The following ABR variants were observed in gnomAD, a reference collection of about 807,000 sequenced individuals.
ABR encodes the protein ABR activator of RhoGEF and GTPase.
ABR carries 35 observed loss-of-function variants against 107.2 expected under a neutral mutation model. That is an observed-to-expected ratio of 0.33 (90% CI 0.25 to 0.43). ABR has a LOEUF of 0.43. Ranked by LOEUF, ABR falls within the 20% of genes least tolerant of loss-of-function variation. The pLI is 1.00. For synonymous variants in ABR, 498 were observed against 462.0 expected, an observed-to-expected ratio of 1.08 and a Z score of -1.00; for missense variants, 815 against 1,115.2, an observed-to-expected ratio of 0.73 and a Z score of 3.83.
Position 1,074,307 on chromosome 17 carries a change from T to C in ABR, c.701-630A>G, listed in dbSNP as rs564673961. ...AGAATCACACAGCTCCACCCAGCCA[T>C]GCCCTGCAGAGTCTAGCACACCTGC... is the stretch of plus-strand genomic sequence containing the variant. On this transcript the variant is annotated intron_variant, in intron 6 of 22. Coordinates refer to ENST00000302538, the MANE Select transcript of ABR (RefSeq NM_021962.5). 5.9e-3 allele frequency among the ~76,000 whole-genome samples: 808 copies of C among 138,104 alleles called. 3 individuals are homozygous for C. Among genetic ancestry groups the C allele is most frequent in the South Asian group, 0.015 (65 of 4,282 alleles). The allele number at this position is 138,104 out of a possible 152,430, so 90.6% of individuals were successfully genotyped here.
intron 2 of ABR, among the ~76,000 whole-genome samples, chr17:1,115,916 G>A (rs2038964409): frequency 6.8e-6 from 1 of 148,040 alleles, no homozygotes. Flanking sequence ...GACAGAAGGA[G>A]ACTCTGTCTC....
intron 1 of ABR, among the ~76,000 whole-genome samples, chr17:1,137,151 C>T (rs570907377): frequency 6.6e-6 from 1 of 152,230 alleles, no homozygotes; most frequent in East Asian, 1.9e-4. Context: ...TCAAGTGAGT[C>T]TCCCACCTCA....
At chr17:1,108,087 C>G (rs974659608) in intron 2 of ABR, among the ~76,000 whole-genome samples, 1 of 152,264 alleles carries the variant, frequency 6.6e-6, no homozygotes, top group Non-Finnish European at 1.5e-5. Flanking sequence ...GCCTAGCAGT[C>G]TGCAAACTCC....
intron 1 of ABR, among the ~76,000 whole-genome samples, chr17:1,207,657 A>AG (rs2042816460): frequency 6.6e-6 from 1 of 151,604 alleles, no homozygotes; most frequent in South Asian, 2.1e-4. Flanking sequence ...CTCAAAAAAA[A>AG]AAAAAAAAAG....
At position 1,210,594 on chromosome 17, in the gene ABR, C is replaced by T. The variant is rs2042884033; in HGVS notation, c.838+18199G>A. ...GTGTCACTCAGCTTCTCTGCACTATCGTCCAGGTGTCACTCAGCTTTCTGC... is the reference window on the plus strand; with the variant it reads ...GTGTCACTCAGCTTCTCTGCACTATTGTCCAGGTGTCACTCAGCTTTCTGC... On this transcript the variant is annotated intron_variant, in intron 1 of 22. Transcript: ENST00000574139. This position sits in a 1 kb window ranked among gnomAD's most constrained non-coding sequence, Gnocchi z 5.6. 1.3e-5 allele frequency among the ~76,000 whole-genome samples: 2 copies of T among 152,312 alleles called. No homozygotes were observed. Among genetic ancestry groups the T allele is most frequent in the South Asian group, 2.1e-4 (1 of 4,824 alleles).
intron 1 of ABR, among the ~76,000 whole-genome samples, chr17:1,139,955 G>A (rs937086241): frequency 1.3e-5 from 2 of 152,162 alleles, no homozygotes; most frequent in Admixed American, 6.6e-5. Context: ...GAACAGACTG[G>A]TACCACTGAA....
At chr17:1,139,708 C>T (rs1597949123) in intron 1 of ABR, among the ~76,000 whole-genome samples, 1 of 152,186 alleles carries the variant, frequency 6.6e-6, no homozygotes, top group East Asian at 1.9e-4. Context: ...CCCAAGATTT[C>T]ACGGCAGTCA....
At chr17:1,031,785 G>A in intron 16 of ABR, 1 of 1,223,714 alleles carries the variant, frequency 8.2e-7, no homozygotes, top group Non-Finnish European at 1.0e-6. Context: ...GGCGCCTGTG[G>A]AGCGCTCAGT....
chr17:1,064,944 GCTAT>G lies in ABR; in HGVS notation c.1182+2129_1182+2132del, dbSNP rs1489100997. ...GACACTGCTGTTATGTGAACTGAGG[GCTAT>G]GCATGTTCCTCTAGACACTGCTGTT... On this transcript the variant is annotated intron_variant, in intron 10 of 22. Transcript: ENST00000302538. 4.7e-4 allele frequency among the ~76,000 whole-genome samples: 50 copies of G among 106,474 alleles called. 1 individual carries two copies. The highest frequency in any genetic ancestry group is 4.7e-3 in the Middle Eastern group (1 of 212). The allele number at this position is 106,474 out of a possible 152,430, so 69.9% of individuals were successfully genotyped here.
intron 1 of ABR, among the ~76,000 whole-genome samples, chr17:1,141,631 C>G (rs2040288513): frequency 6.6e-6 from 1 of 152,198 alleles, no homozygotes; most frequent in African/African-American, 2.4e-5. Context: ...GACCTCCCAG[C>G]CCTTAAAAAA....
intron 1 of ABR, among the ~76,000 whole-genome samples, chr17:1,144,355 C>T (rs560624442): frequency 9.2e-5 from 14 of 151,870 alleles, no homozygotes; most frequent in African/African-American, 2.4e-4. Context: ...CCCCCAGCTC[C>T]GTTACGAGTC....
chr17:1,123,763 C>G (rs1373101), intron 2 of ABR, among the ~76,000 whole-genome samples: 77,083 of 151,898 alleles, frequency 0.51, 20,025 homozygotes, highest in East Asian at 0.65. Flanking sequence ...TCTTCTCCTC[C>G]TTGCTCTCCC....
intron 1 of ABR, among the ~76,000 whole-genome samples, chr17:1,194,210 CAG>C (rs995277633): frequency 5.9e-5 from 9 of 151,328 alleles, no homozygotes; most frequent in Admixed American, 2.0e-4. Flanking sequence ...TTGATTGAGA[CAG>C]AGTCTCTCTC....
chr17:1,174,259 C>T (rs574228478), intron 1 of ABR, among the ~76,000 whole-genome samples: 1 of 152,354 alleles, frequency 6.6e-6, no homozygotes, highest in East Asian at 1.9e-4. Flanking sequence ...ACCTCTGAGA[C>T]TCCAGCAGCC....
In ABR at chr17:1,037,984, C is replaced by A. The variant is rs1445552180; in HGVS notation, c.1791+12066G>T. Among the ~76,000 whole-genome samples the A allele has an allele frequency of 6.6e-6, 1 of 152,198 alleles. No homozygotes were observed. The highest frequency in any genetic ancestry group is 2.4e-5 in the African/African-American group (1 of 41,442). On this transcript the variant is annotated intron_variant, in intron 16 of 22. Transcript: ENST00000302538. This position sits in a 1 kb window ranked among gnomAD's most constrained non-coding sequence, Gnocchi z 4.6. ...CTTTTCTGCTGAGGACGCACCCCTG[C>A]CGTTTTTTCCAAATGAAATTTTATG...
At chr17:1,214,550 C>T (rs2042962134) in intron 1 of ABR, among the ~76,000 whole-genome samples, 1 of 152,054 alleles carries the variant, frequency 6.6e-6, no homozygotes, top group African/African-American at 2.4e-5. Context: ...GCCTGTAATC[C>T]CAGCACTTTG....
At chr17:1,187,577 GA>G (rs2042334893), upstream of ABR, among the ~76,000 whole-genome samples, 1 of 152,226 alleles carries the variant, frequency 6.6e-6, no homozygotes, top group Non-Finnish European at 1.5e-5. Context: ...CATCCCGCCG[GA>G]CAAAACCTTC....
intron 2 of ABR, among the ~76,000 whole-genome samples, chr17:1,121,761 A>G (rs2039364776): frequency 6.6e-6 from 1 of 151,370 alleles, no homozygotes; most frequent in African/African-American, 2.4e-5. Context: ...CAGGGCTCTG[A>G]GCCCTGCTGT....
In ABR at chr17:1,005,684, G is replaced by A. The variant is rs932937777; in HGVS notation, c.*396C>T. Reference sequence around the variant, plus strand: ...GAGAAGCTGGCAGCAGTTACACAGCGCAAAATAAAAGGCCTTGGGCTGGAC... The same window carrying A: ...GAGAAGCTGGCAGCAGTTACACAGCACAAAATAAAAGGCCTTGGGCTGGAC... On this transcript the variant is annotated 3_prime_UTR_variant, in exon 23 of 23. Transcript: ENST00000302538. The A allele has an allele frequency of 1.5e-4, 36 of 242,366 alleles. No individual in the cohort carries two copies. The highest frequency in any genetic ancestry group is 2.1e-4 in the African/African-American group (9 of 43,860). The allele number at this position is 242,366 out of a possible 1,614,324, so 15.0% of individuals were successfully genotyped here. A position where few individuals can be genotyped will look rare whatever the true frequency, so the allele number is the denominator to read the frequency against.
Sources: allele counts gnomAD v4.1 joint callset (sites outside exome capture counted in the v4.1 genomes callset), GRCh38; gene constraint gnomAD v4.1.1; non-coding constraint Gnocchi (gnomAD v3.1); transcripts MANE v1.5; gene names NCBI Gene and HGNC (gene_info 2026-07-23, HGNC 2026-07-21).